The following MACROD2 variants were observed in gnomAD, a reference collection of about 807,000 sequenced individuals.
MACROD2 encodes the protein ADP-ribose glycohydrolase MACROD2.
MACROD2 carries 36 observed loss-of-function variants against 70.4 expected under a neutral mutation model. That is an observed-to-expected ratio of 0.51 (90% CI 0.39 to 0.68). The LOEUF (loss-of-function observed/expected upper bound fraction) is 0.68, where lower values mean the gene tolerates loss of function less well. Ranked by LOEUF, MACROD2 falls within the 30% of genes least tolerant of loss-of-function variation. The pLI is 0.00. For missense variants in MACROD2, 496 were observed against 538.4 expected (o/e 0.92, Z 0.78); for synonymous variants, 172 against 178.8 (o/e 0.96, Z 0.30).
intron 5 of MACROD2, among the ~76,000 whole-genome samples, chr20:15,133,205 A>G (rs1418871296): frequency 3.3e-5 from 5 of 152,134 alleles, no homozygotes; most frequent in African/African-American, 7.2e-5. Context: ...ACTTCACAAC[A>G]TTAAACATAT....
chr20:15,454,406 A>AACACAAACACACACACACACAC (rs1271722958), intron 7 of MACROD2, among the ~76,000 whole-genome samples: 1 of 137,428 alleles, frequency 7.3e-6, no homozygotes, highest in African/African-American at 2.9e-5. Flanking sequence ...GACATATTCA[A>AACACAAACACACACACACACAC]ACACACACAC....
chr20:15,561,095 A>G (rs1309131891), intron 8 of MACROD2, among the ~76,000 whole-genome samples: 1 of 152,170 alleles, frequency 6.6e-6, no homozygotes, highest in African/African-American at 2.4e-5. Context: ...AGAAGCTCAT[A>G]CTTCCTGACA....
intron 4 of MACROD2, among the ~76,000 whole-genome samples, chr20:14,580,944 A>G (rs1372037673): frequency 2.6e-5 from 4 of 152,214 alleles, no homozygotes; most frequent in African/African-American, 4.8e-5. Flanking sequence ...TCTGAAGAAC[A>G]CATTTGAAAA....
intron 9 of MACROD2, among the ~76,000 whole-genome samples, chr20:15,863,873 T>C (rs1389108473): frequency 6.6e-6 from 1 of 152,208 alleles, no homozygotes; most frequent in Non-Finnish European, 1.5e-5. Context: ...GCTAATGCCC[T>C]AAATGGACTA....
intron 5 of MACROD2, among the ~76,000 whole-genome samples, chr20:15,147,613 A>G (rs550367890): frequency 1.3e-5 from 2 of 152,138 alleles, no homozygotes; most frequent in African/African-American, 2.4e-5. Flanking sequence ...AGGCTGAAAC[A>G]ATGTCCTGGA....
intron 16 of MACROD2, among the ~76,000 whole-genome samples, chr20:16,043,067 T>A (rs708981): frequency 0.4 from 60,466 of 151,916 alleles, 13,464 homozygotes; most frequent in South Asian, 0.59. Context: ...AAGGTAACTA[T>A]AACAAGGGTG....
chr20:14,161,031 C>T (rs2148717474), intron 3 of MACROD2, among the ~76,000 whole-genome samples: 1 of 152,144 alleles, frequency 6.6e-6, no homozygotes, highest in Non-Finnish European at 1.5e-5. Context: ...CTATTATTTC[C>T]ATCTTTATGT....
intron 15 of MACROD2, among the ~76,000 whole-genome samples, chr20:16,006,858 A>C (rs1420096970): frequency 3.3e-5 from 5 of 152,200 alleles, no homozygotes; most frequent in Non-Finnish European, 1.5e-5. Flanking sequence ...AAAAGGAACC[A>C]ATGCCAAAAC....
At chr20:14,957,861 A>G (rs1053334664) in intron 5 of MACROD2, among the ~76,000 whole-genome samples, 1 of 151,702 alleles carries the variant, frequency 6.6e-6, no homozygotes, top group Non-Finnish European at 1.5e-5. Flanking sequence ...TTATTGTACT[A>G]TGCATCTAAT....
chr20:14,042,210 G>T (rs2053400253), intron 2 of MACROD2, among the ~76,000 whole-genome samples: 1 of 152,108 alleles, frequency 6.6e-6, no homozygotes. Context: ...GAAGGTTGTA[G>T]AATCCAGAGT....
chr20:15,476,731 T>C (rs1166076272), intron 7 of MACROD2, among the ~76,000 whole-genome samples: 2 of 152,216 alleles, frequency 1.3e-5, no homozygotes, highest in Non-Finnish European at 2.9e-5. Context: ...ACCAGCAAGA[T>C]ATCCCTGTAA....
chr20:14,821,706 C>T (rs2072846816), intron 5 of MACROD2, among the ~76,000 whole-genome samples: 3 of 152,116 alleles, frequency 2.0e-5, no homozygotes, highest in Non-Finnish European at 2.9e-5. Flanking sequence ...CAAGAAGATT[C>T]AGATGGCTTC....
chr20:14,258,593 T>C (rs2082076766), intron 3 of MACROD2, among the ~76,000 whole-genome samples: 1 of 152,206 alleles, frequency 6.6e-6, no homozygotes, highest in African/African-American at 2.4e-5. Flanking sequence ...TTGAGCTCCC[T>C]GTAGATTCTG....
chr20:14,444,875 CATAT>C (rs2084166627), intron 3 of MACROD2, among the ~76,000 whole-genome samples: 2 of 150,882 alleles, frequency 1.3e-5, no homozygotes, highest in Non-Finnish European at 2.9e-5. Context: ...GTTTGTGTTC[CATAT>C]ATATATGTAG....
chr20:15,458,329 A>C (rs2046758032), intron 7 of MACROD2, among the ~76,000 whole-genome samples: 1 of 152,136 alleles, frequency 6.6e-6, no homozygotes, highest in Non-Finnish European at 1.5e-5. Flanking sequence ...TCCCTATAAT[A>C]GTGAGATCAC....
At chr20:14,944,965 C>T (rs1016902188) in intron 5 of MACROD2, among the ~76,000 whole-genome samples, 1 of 152,134 alleles carries the variant, frequency 6.6e-6, no homozygotes, top group Non-Finnish European at 1.5e-5. Flanking sequence ...CTTGCTATTT[C>T]TGGTGTCTCT....
chr20:15,196,593 T>A (rs2076608383), intron 5 of MACROD2, among the ~76,000 whole-genome samples: 1 of 152,040 alleles, frequency 6.6e-6, no homozygotes, highest in Non-Finnish European at 1.5e-5. Flanking sequence ...ATTCTAAGAG[T>A]TGTAAAGTAG....
intron 8 of MACROD2, among the ~76,000 whole-genome samples, chr20:15,799,258 T>C (rs2063702355): frequency 6.6e-6 from 1 of 152,226 alleles, no homozygotes; most frequent in African/African-American, 2.4e-5. Flanking sequence ...ATGTGTAATA[T>C]CCCTCACCTC....
intron 5 of MACROD2, among the ~76,000 whole-genome samples, chr20:15,092,875 T>C (rs550788732): frequency 6.6e-6 from 1 of 152,268 alleles, no homozygotes; most frequent in South Asian, 2.1e-4. Context: ...GGCTGCTGTC[T>C]CTCTCCGAAT....
Sources: gnomAD v4.1 joint callset for allele counts (sites outside exome capture counted in the v4.1 genomes callset) on GRCh38, gnomAD v4.1.1 for gene constraint, MANE v1.5 for transcripts, NCBI Gene and HGNC (gene_info 2026-07-23, HGNC 2026-07-21) for gene names.